The following ROR1 variants were observed in gnomAD, a reference collection of about 807,000 sequenced individuals.
The protein encoded by ROR1 is inactive tyrosine-protein kinase transmembrane receptor ROR1.
ROR1 carries 19 observed loss-of-function variants against 78.8 expected under a neutral mutation model. The observed-to-expected ratio is 0.24, with a 90% CI of 0.17 to 0.35. ROR1 has a LOEUF of 0.35. Among genes scored for constraint, ROR1 ranks in the 10% least tolerant of loss-of-function variants. The probability of loss-of-function intolerance (pLI) is 1.00; values close to 1 mark genes in which losing one functional copy is unlikely to be tolerated. For missense variants in ROR1, 917 were observed against 1,177.8 expected, an observed-to-expected ratio of 0.78 and a Z score of 3.24; for synonymous variants, 386 against 433.6, an observed-to-expected ratio of 0.89 and a Z score of 1.36.
intron 1 of ROR1, among the ~76,000 whole-genome samples, chr1:63,910,388 T>A (rs1304169080): frequency 1.3e-5 from 2 of 152,136 alleles, no homozygotes; most frequent in Non-Finnish European, 2.9e-5. Flanking sequence ...AAGGGCTCAT[T>A]GGCTGGTTTA....
At chr1:63,843,344 C>G (rs1557522807) in intron 1 of ROR1, 1 of 1,007,144 alleles carries the variant, frequency 9.9e-7, no homozygotes, top group African/African-American at 1.6e-5. Flanking sequence ...TGGCATAGAT[C>G]ATTTTGCTTT....
intron 4 of ROR1, among the ~76,000 whole-genome samples, chr1:64,069,595 T>C (rs1157443315): frequency 2.0e-5 from 3 of 151,952 alleles, no homozygotes; most frequent in African/African-American, 7.3e-5. Flanking sequence ...AAAGGGTAAA[T>C]TGCAAAAAGA....
At chr1:64,150,870 A>G (rs1345723385) in intron 7 of ROR1, among the ~76,000 whole-genome samples, 3 of 152,204 alleles carry the variant, frequency 2.0e-5, no homozygotes, top group African/African-American at 7.2e-5. Flanking sequence ...TGTTCCTAGT[A>G]TATATTGAGT....
At chr1:64,123,780 A>G (rs1557663374) in intron 4 of ROR1, among the ~76,000 whole-genome samples, 1 of 152,190 alleles carries the variant, frequency 6.6e-6, no homozygotes, top group Non-Finnish European at 1.5e-5. Flanking sequence ...GATGGTAGAA[A>G]TATAAGTCAT....
intron 1 of ROR1, among the ~76,000 whole-genome samples, chr1:63,813,177 C>T (rs1644870528): frequency 6.6e-6 from 1 of 152,066 alleles, no homozygotes. Flanking sequence ...CCTTAAGGTT[C>T]AGCTCAGTGT....
intron 1 of ROR1, among the ~76,000 whole-genome samples, chr1:63,902,927 T>G (rs1176225458): frequency 6.6e-6 from 1 of 152,140 alleles, no homozygotes; most frequent in Non-Finnish European, 1.5e-5. Flanking sequence ...TCCTTCTGCC[T>G]CACGTCCATG....
intron 4 of ROR1, among the ~76,000 whole-genome samples, chr1:64,067,443 T>TAA (rs1646965975): frequency 3.0e-5 from 1 of 32,942 alleles, no homozygotes; most frequent in African/African-American, 2.7e-4. Context: ...AGCCTCCGTC[T>TAA]CAAAAAAAAA....
chr1:63,804,755 G>T (rs1019174757), intron 1 of ROR1, among the ~76,000 whole-genome samples: 1 of 152,184 alleles, frequency 6.6e-6, no homozygotes, highest in African/African-American at 2.4e-5. Context: ...GTGCAGAGGG[G>T]AATGGTTGTG....
At chr1:64,085,027 C>G (rs1299827793) in intron 4 of ROR1, among the ~76,000 whole-genome samples, 1 of 152,142 alleles carries the variant, frequency 6.6e-6, no homozygotes, top group African/African-American at 2.4e-5. Context: ...CAGTCTTGGC[C>G]AAAATCAACG....
intron 1 of ROR1, among the ~76,000 whole-genome samples, chr1:63,778,671 G>T (rs1190236252): frequency 6.6e-6 from 1 of 152,174 alleles, no homozygotes; most frequent in East Asian, 1.9e-4. Context: ...CTTACAATGG[G>T]CCAATCACTC....
chr1:63,921,765 T>C (rs1266290095), intron 1 of ROR1, among the ~76,000 whole-genome samples: 1 of 152,144 alleles, frequency 6.6e-6, no homozygotes, highest in Non-Finnish European at 1.5e-5. Context: ...CCTAGTTTAA[T>C]CACTGAGCCT....
intron 1 of ROR1, among the ~76,000 whole-genome samples, chr1:63,833,359 T>C (rs1279462451): frequency 6.6e-6 from 1 of 152,194 alleles, no homozygotes; most frequent in Non-Finnish European, 1.5e-5. Context: ...CAGACCACCC[T>C]TGGGGTATTA....
chr1:63,960,796 G>A (rs1284883026), intron 1 of ROR1, among the ~76,000 whole-genome samples: 2 of 152,296 alleles, frequency 1.3e-5, no homozygotes, highest in African/African-American at 2.4e-5. Flanking sequence ...AAAAGGATTA[G>A]GTTTTTGAGG....
chr1:63,896,861 A>G (rs530518639), intron 1 of ROR1, among the ~76,000 whole-genome samples: 1 of 152,314 alleles, frequency 6.6e-6, no homozygotes, highest in South Asian at 2.1e-4. Context: ...TAAAAAGACC[A>G]GAGTTCGAGT....
chr1:63,891,546 G>T (rs905886622), intron 1 of ROR1, among the ~76,000 whole-genome samples: 3 of 152,098 alleles, frequency 2.0e-5, no homozygotes, highest in African/African-American at 7.2e-5. Context: ...GGGAGGCCCA[G>T]GTAACTGGTA....
Position 63,774,539 on chromosome 1 carries a change from C to A in ROR1, c.91+31C>A. ...AGGCGCCCGCCGGCCCCCGCCCGCC[C>A]AGACCCCCTGACCCGTGGCCACCCT... is the stretch of plus-strand genomic sequence containing the variant. On this transcript the variant is annotated intron_variant, in intron 1 of 8. Transcript: ENST00000371079. This position sits in a 1 kb window ranked among gnomAD's most constrained non-coding sequence, Gnocchi z 5.7. 9.6e-7 allele frequency: 1 copy of A among 1,036,302 alleles called. No individual in the cohort carries two copies. The highest frequency in any genetic ancestry group is 4.3e-5 in the South Asian group (1 of 23,108). 64.2% of individuals were successfully genotyped at this position (1,036,302 alleles called of 1,614,324 possible). A position where few individuals can be genotyped will look rare whatever the true frequency, so the allele number is the denominator to read the frequency against.
intron 4 of ROR1, chr1:64,106,535 C>T (rs1250605932): frequency 6.6e-6 from 1 of 152,144 alleles, no homozygotes; most frequent in Non-Finnish European, 1.5e-5. Context: ...TTACCTTGTA[C>T]TAGTATTCAA....
intron 1 of ROR1, among the ~76,000 whole-genome samples, chr1:63,857,544 T>C (rs978488561): frequency 3.9e-5 from 6 of 152,228 alleles, no homozygotes; most frequent in Admixed American, 6.5e-5. Context: ...TCAGATGGTC[T>C]GCAAATAGCT....
At chr1:63,868,626 T>A (rs904112125) in intron 1 of ROR1, among the ~76,000 whole-genome samples, 1 of 152,202 alleles carries the variant, frequency 6.6e-6, no homozygotes, top group African/African-American at 2.4e-5. Context: ...TGGCCTAGAG[T>A]TAGCACTTGA....
Sources: gnomAD v4.1 joint callset for allele counts (sites outside exome capture counted in the v4.1 genomes callset) on GRCh38, gnomAD v4.1.1 for gene constraint, Gnocchi (gnomAD v3.1) non-coding constraint, MANE v1.5 for transcripts, NCBI Gene and HGNC (gene_info 2026-07-23, HGNC 2026-07-21) for gene names.